The following PKHD1 variants were observed in gnomAD, a reference collection of about 807,000 sequenced individuals.
PKHD1 encodes the protein PKHD1 ciliary IPT domain containing fibrocystin/polyductin, also known as fibrocystin.
PKHD1 carries 291 observed loss-of-function variants against 412.0 expected under a neutral mutation model. The ratio of observed to expected loss-of-function variants is 0.71; its 90% CI spans 0.64 to 0.78. PKHD1 has a LOEUF of 0.78. Ranked by LOEUF, PKHD1 falls within the 30% of genes least tolerant of loss-of-function variation. The pLI is 0.00. For missense variants in PKHD1, 4,825 were observed against 4,950.7 expected, an observed-to-expected ratio of 0.97 and a Z score of 0.76; for synonymous variants, 1,777 against 1,821.5, an observed-to-expected ratio of 0.98 and a Z score of 0.62.
chr6:51,850,946 G>T (rs1198075544), intron 49 of PKHD1, among the ~76,000 whole-genome samples: 6 of 152,114 alleles, frequency 3.9e-5, no homozygotes, highest in African/African-American at 1.4e-4. Flanking sequence ...AATAAGACTG[G>T]TGAGACAGGG....
chr6:51,691,064 T>C (rs988049684), intron 60 of PKHD1, among the ~76,000 whole-genome samples: 2 of 152,106 alleles, frequency 1.3e-5, no homozygotes, highest in Admixed American at 6.6e-5. Flanking sequence ...AAGATCACCA[T>C]CACTGATCAT....
rs867819641 is a variant in PKHD1, at chr6:51,941,401, G to A, written c.5909-7079C>T. On this transcript the variant is annotated intron_variant, in intron 36 of 66. Coordinates refer to ENST00000371117, the MANE Select transcript of PKHD1 (RefSeq NM_138694.4). ...CTCCCGAGTAGCTGGGACTACAGGC[G>A]CCCGCCACCGCGCCCGGCTAATTTT... Among the ~76,000 whole-genome samples the A allele has an allele frequency of 1.3e-4, 19 of 149,274 alleles. No homozygotes were observed. In the South Asian group the frequency reaches 1.7e-3, roughly 13 times the overall value.
intron 60 of PKHD1, among the ~76,000 whole-genome samples, chr6:51,743,473 C>A (rs1448156769): frequency 6.6e-6 from 1 of 152,126 alleles, no homozygotes; most frequent in Non-Finnish European, 1.5e-5. Context: ...TCTGAGATGT[C>A]TACTATCTTT....
At chr6:51,708,411 T>C (rs1300888415) in intron 60 of PKHD1, among the ~76,000 whole-genome samples, 1 of 152,222 alleles carries the variant, frequency 6.6e-6, no homozygotes, top group African/African-American at 2.4e-5. Flanking sequence ...ATCCAATCTA[T>C]TCTCTGCAAC....
chr6:52,055,598 G>C lies in PKHD1; in HGVS notation c.1825C>G (p.Gln609Glu), dbSNP rs1342124103. ...PAAQKGYRLD[Q>E]YTHLCLAYKG... ...AGACTGCTACTCACGTGTGTATACTGATCTAGCCGATAGCCCTTCTGGGCA... is the reference window on the plus strand; with the variant it reads ...AGACTGCTACTCACGTGTGTATACTCATCTAGCCGATAGCCCTTCTGGGCA... Residue 609 changes from glutamine (Q) to glutamate (E), a missense_variant, in exon 19 of 67, where the codon CAG becomes GAG. By Grantham distance (29) the Gln-to-Glu change is conservative. Coordinates refer to ENST00000371117, the MANE Select transcript of PKHD1 (RefSeq NM_138694.4). 1 of 1,613,920 alleles carries C rather than the reference G, an allele frequency of 6.2e-7. No individual in the cohort carries two copies. Among genetic ancestry groups the C allele is most frequent in the East Asian group, 2.2e-5 (1 of 44,880 alleles).
chr6:52,078,197 C>T (rs187525447), intron 5 of PKHD1, among the ~76,000 whole-genome samples: 43 of 152,238 alleles, frequency 2.8e-4, no homozygotes, highest in African/African-American at 9.4e-4. Context: ...AAGGGCTTCA[C>T]TTGTGATTCT....
At chr6:51,715,401 C>G (rs1302278486) in intron 60 of PKHD1, among the ~76,000 whole-genome samples, 1 of 151,988 alleles carries the variant, frequency 6.6e-6, no homozygotes, top group African/African-American at 2.4e-5. Context: ...AGCAGGAATT[C>G]AAAATTGAAC....
In PKHD1 at chr6:52,017,569, TGTCTGGCAGC is replaced by T. The variant is rs1185640260; in HGVS notation, c.5431_5440del (p.Ala1811ThrfsTer8). ...TGTCAAATCACACTGCACATAGGTGTGTCTGGCAGCCTCACAGCTGTCCTCCTCACGCTTC... is the reference window on the plus strand; with the variant it reads ...TGTCAAATCACACTGCACATAGGTGTCTCACAGCTGTCCTCCTCACGCTTC... On this transcript the variant is annotated frameshift_variant, in exon 34 of 67. Coordinates refer to ENST00000371117, the MANE Select transcript of PKHD1 (RefSeq NM_138694.4). LOFTEE classifies it high-confidence loss of function. 1 of 1,613,996 alleles carries T rather than the reference TGTCTGGCAGC, an allele frequency of 6.2e-7. No individual in the cohort carries two copies. Among genetic ancestry groups the T allele is most frequent in the Non-Finnish European group, 8.5e-7 (1 of 1,180,020 alleles).
intron 60 of PKHD1, among the ~76,000 whole-genome samples, chr6:51,687,717 C>T (rs991164558): frequency 3.9e-5 from 6 of 152,182 alleles, no homozygotes; most frequent in Admixed American, 2.6e-4. Context: ...CTCTTGACAT[C>T]TGTGTCTAAT....
intron 35 of PKHD1, among the ~76,000 whole-genome samples, chr6:52,002,485 A>C (rs1309301473): frequency 6.6e-6 from 1 of 152,200 alleles, no homozygotes; most frequent in Non-Finnish European, 1.5e-5. Flanking sequence ...GCCTCATTTC[A>C]GGGAGAAAAT....
chr6:51,900,220 C>A (rs1781002705), intron 43 of PKHD1, among the ~76,000 whole-genome samples: 1 of 152,188 alleles, frequency 6.6e-6, no homozygotes, highest in African/African-American at 2.4e-5. Context: ...CAAGTCAATC[C>A]TAAGCCAAAA....
intron 60 of PKHD1, among the ~76,000 whole-genome samples, chr6:51,698,153 G>T (rs904989248): frequency 1.3e-5 from 2 of 152,180 alleles, no homozygotes; most frequent in African/African-American, 4.8e-5. Flanking sequence ...ATTACAAACA[G>T]GAAGAGGCTG....
At chr6:51,626,947 A>T in intron 66 of PKHD1, 50 bp downstream of exon 66, 1 of 1,597,444 alleles carries the variant, frequency 6.3e-7, no homozygotes. Context: ...GGCTCAGACC[A>T]TCCACAGTGG....
chr6:51,775,564 G>A (rs1276168838), intron 54 of PKHD1, among the ~76,000 whole-genome samples: 1 of 151,852 alleles, frequency 6.6e-6, no homozygotes, highest in African/African-American at 2.4e-5. Flanking sequence ...AATCCATAAT[G>A]CTGACACTAT....
rs746972457 is a variant in PKHD1 at position 52,026,043 on chromosome 6, TG to T, written c.3766del (p.Gln1256ArgfsTer47). On this transcript the variant is annotated frameshift_variant, in exon 32 of 67. Coordinates refer to ENST00000371117, the MANE Select transcript of PKHD1 (RefSeq NM_138694.4). LOFTEE classifies it high-confidence loss of function. The part of the protein sequence containing the change: ...SIWCETLPAP[Q>X]IPDAGAPTVP... ...AGTGGGAGCGCCCGCATCGGGTATC[TG>T]GGGGGCTGGCAGGGTTTCACACCAG... 1.9e-4 allele frequency: 304 copies of T among 1,613,980 alleles called. No homozygotes were observed. The highest frequency in any genetic ancestry group is 9.8e-4 in the Admixed American group (59 of 60,000).
chr6:51,728,747 A>T (rs1374752249), intron 60 of PKHD1, among the ~76,000 whole-genome samples: 2 of 152,212 alleles, frequency 1.3e-5, no homozygotes, highest in African/African-American at 2.4e-5. Context: ...GATAATACTT[A>T]GGTGTTGTTT....
Position 51,659,723 on chromosome 6 carries a change from A to C in PKHD1, c.10403T>G (p.Ile3468Ser), listed in dbSNP as rs1214322559. 2.5e-6 allele frequency: 4 copies of C among 1,613,746 alleles called. No individual in the cohort carries two copies. The highest frequency in any genetic ancestry group is 1.3e-5 in the African/African-American group (1 of 74,916). Residue 3468 changes from isoleucine (I) to serine (S), a missense_variant, in exon 61 of 67, where the codon ATC becomes AGC. Ile to Ser is a moderately radical substitution (Grantham distance 142, BLOSUM62 -2). Transcript: ENST00000371117. ...TFYSILPIRQ[I>S]TKVCFMDQTP... The stretch of plus-strand genomic sequence containing the variant: ...TTGATCCATGAAGCAGACTTTGGTG[A>C]TTTGCCTGATGGGTAAGATAGAATA...
chr6:51,956,810 AC>A (rs1791218296), intron 36 of PKHD1, among the ~76,000 whole-genome samples: 1 of 152,026 alleles, frequency 6.6e-6, no homozygotes, highest in Non-Finnish European at 1.5e-5. Flanking sequence ...CATAGACATT[AC>A]AGGCAAAGGT....
intron 46 of PKHD1, among the ~76,000 whole-genome samples, chr6:51,871,313 T>TTTAGAAAAAAAAGGAAATAGGAG (rs1562505563): frequency 2.3e-5 from 3 of 130,882 alleles, no homozygotes; most frequent in African/African-American, 2.6e-5. Flanking sequence ...CAAACTGCAT[T>TTTAGAAAAAAAAGGAAATAGGAG]ACATCTATCT....
Sources: allele counts gnomAD v4.1 joint callset (sites outside exome capture counted in the v4.1 genomes callset), GRCh38; gene constraint gnomAD v4.1.1; transcripts MANE v1.5; gene names NCBI Gene and HGNC (gene_info 2026-07-23, HGNC 2026-07-21).